FANCL: variants seen among roughly 807,000 people sequenced by gnomAD.
The protein encoded by FANCL is FA complementation group L.
FANCL carries 69 observed loss-of-function variants against 59.4 expected under a neutral mutation model. That is an observed-to-expected ratio of 1.16 (90% confidence interval 0.96 to 1.42). The LOEUF is 1.42. Ranked by LOEUF, FANCL falls within the 40% of genes most tolerant of loss-of-function variation. FANCL has a pLI of 0.00. For synonymous variants in FANCL, 180 were observed against 147.1 expected, an observed-to-expected ratio of 1.22 and a Z score of -1.62; for missense variants, 519 against 447.2, an observed-to-expected ratio of 1.16 and a Z score of -1.45.
intron 1 of FANCL, among the ~76,000 whole-genome samples, chr2:58,239,523 T>C (rs1573852004): frequency 1.3e-5 from 2 of 152,172 alleles, no homozygotes; most frequent in South Asian, 2.1e-4. Flanking sequence ...TAATGTGGGA[T>C]CTTAACAACA....
chr2:58,164,309 G>A (rs544659546), intron 8 of FANCL, among the ~76,000 whole-genome samples: 13 of 152,052 alleles, frequency 8.5e-5, no homozygotes, highest in Non-Finnish European at 1.9e-4. Flanking sequence ...CTTTCACTAA[G>A]GCTGGCATCA....
chr2:58,219,532 T>C (rs12474593), intron 5 of FANCL, among the ~76,000 whole-genome samples: 14,167 of 151,596 alleles, frequency 0.093, 701 homozygotes, highest in African/African-American at 0.11. Flanking sequence ...AAAAAAACAG[T>C]AACTTTACGG....
chr2:58,179,114 T>G (rs946750282), intron 7 of FANCL, among the ~76,000 whole-genome samples: 1 of 152,220 alleles, frequency 6.6e-6, no homozygotes. Context: ...CATTCCATAT[T>G]CATGGATAGG....
At chr2:58,220,330 C>G (rs1368457976) in intron 5 of FANCL, among the ~76,000 whole-genome samples, 1 of 152,162 alleles carries the variant, frequency 6.6e-6, no homozygotes, top group Non-Finnish European at 1.5e-5. Context: ...TAACCTATCT[C>G]TGCACATAGG....
intron 7 of FANCL, among the ~76,000 whole-genome samples, chr2:58,197,199 A>C (rs1354167890): frequency 1.3e-5 from 2 of 151,016 alleles, no homozygotes; most frequent in Non-Finnish European, 3.0e-5. Flanking sequence ...TAATTTTTGG[A>C]TAAATACAAT....
At position 58,217,166 on chromosome 2, in the gene FANCL, TTATATATATA is replaced by T. The variant is rs1158149205; in HGVS notation, c.374+4766_374+4775del. The stretch of plus-strand genomic sequence containing the variant: ...AGATTTATATATATATTTATATATT[TTATATATATA>T]TATATATATATATATATATATATAT... On this transcript the variant is annotated intron_variant, in intron 5 of 13. Coordinates refer to ENST00000233741, the MANE Select transcript of FANCL (RefSeq NM_018062.4). 1.5e-3 allele frequency among the ~76,000 whole-genome samples: 72 copies of T among 47,310 alleles called. 1 individual carries two copies. Among genetic ancestry groups the T allele is most frequent in the East Asian group, 0.013 (17 of 1,276 alleles). The allele number at this position is 47,310 out of a possible 152,430, so 31.0% of individuals were successfully genotyped here.
intron 5 of FANCL, 128 bp downstream of exon 5, chr2:58,221,813 AG>A: frequency 3.0e-6 from 2 of 657,234 alleles, no homozygotes; most frequent in Non-Finnish European, 5.3e-6. Context: ...AGCAACAATA[AG>A]GATCAAATAC....
chr2:58,159,899 A>G, intron 13 of FANCL, 99 bp from the exon 14 acceptor site: 1 of 1,558,316 alleles, frequency 6.4e-7, no homozygotes, highest in Non-Finnish European at 8.7e-7. Flanking sequence ...GTCATAGTAC[A>G]GTTTGGAAAA....
chr2:58,229,261 A>C (rs1693340128), intron 3 of FANCL, among the ~76,000 whole-genome samples: 1 of 152,144 alleles, frequency 6.6e-6, no homozygotes, highest in African/African-American at 2.4e-5. Flanking sequence ...TTATGTCATT[A>C]TTTTGCTTCA....
intron 7 of FANCL, among the ~76,000 whole-genome samples, chr2:58,197,390 C>A (rs1047080171): frequency 6.6e-6 from 1 of 151,956 alleles, no homozygotes; most frequent in Non-Finnish European, 1.5e-5. Flanking sequence ...CCTCCATTTA[C>A]GGAATATTTG....
chr2:58,197,589 A>G (rs768855398), intron 7 of FANCL, among the ~76,000 whole-genome samples: 1 of 152,172 alleles, frequency 6.6e-6, no homozygotes, highest in Non-Finnish European at 1.5e-5. Flanking sequence ...CCTTATATCT[A>G]TGTTATAGTT....
intron 9 of FANCL, 165 bp downstream of exon 9, chr2:58,163,269 C>A: frequency 1.4e-6 from 1 of 726,906 alleles, no homozygotes. Context: ...TGCGGTGAAC[C>A]GAGATCGCGC....
At chr2:58,190,192 A>G (rs1688790647) in intron 7 of FANCL, among the ~76,000 whole-genome samples, 1 of 152,020 alleles carries the variant, frequency 6.6e-6, no homozygotes, top group Admixed American at 6.6e-5. Context: ...CGTAAAGAAC[A>G]TATCACCTCT....
intron 6 of FANCL, among the ~76,000 whole-genome samples, chr2:58,201,077 T>C (rs1374865119): frequency 6.6e-6 from 1 of 150,664 alleles, no homozygotes; most frequent in Non-Finnish European, 1.5e-5. Context: ...ATACTAGATA[T>C]TCATTTTCAG....
At chr2:58,220,344 A>G (rs1008247085) in intron 5 of FANCL, among the ~76,000 whole-genome samples, 1 of 152,250 alleles carries the variant, frequency 6.6e-6, no homozygotes, top group Non-Finnish European at 1.5e-5. Context: ...ACATAGGTGC[A>G]CCAAAAGAGG....
chr2:58,160,712 T>A (rs1685023751), intron 12 of FANCL, among the ~76,000 whole-genome samples: 1 of 152,016 alleles, frequency 6.6e-6, no homozygotes, highest in African/African-American at 2.4e-5. Flanking sequence ...AAATCACATG[T>A]TCCCTTAGAG....
At position 58,226,730 on chromosome 2, in the gene FANCL, A is replaced by T; in HGVS notation, c.271T>A (p.Leu91Met). ...TCAGAAAAAAAAAAAATTCTTACCA[A>T]AAGCATCTTCAACTCCATCATAAAG... ...MSFMMELKML[L>M]EVALKNRQEL... The change falls in exon 4 of 14, where the codon TTG becomes ATG. Residue 91 changes from leucine (L) to methionine (M), a missense_variant and splice_region_variant. Physicochemically the swap from Leu to Met is conservative, Grantham distance 15. Coordinates refer to ENST00000233741, the MANE Select transcript of FANCL (RefSeq NM_018062.4). The T allele has an allele frequency of 6.2e-7, 1 of 1,613,274 alleles. No homozygotes were observed. The highest frequency in any genetic ancestry group is 8.5e-7 in the Non-Finnish European group (1 of 1,179,502).
chr2:58,172,644 C>A (rs1027233267), intron 7 of FANCL, among the ~76,000 whole-genome samples: 2 of 152,126 alleles, frequency 1.3e-5, no homozygotes, highest in Non-Finnish European at 2.9e-5. Flanking sequence ...TGTACATCAC[C>A]ATCATCAAAG....
At chr2:58,175,011 T>G (rs1213387453) in intron 7 of FANCL, among the ~76,000 whole-genome samples, 2 of 151,960 alleles carry the variant, frequency 1.3e-5, no homozygotes, top group Non-Finnish European at 2.9e-5. Flanking sequence ...AACACCTCTA[T>G]GCAAATAAAC....
Sources: gnomAD v4.1 joint callset for allele counts (sites outside exome capture counted in the v4.1 genomes callset) on GRCh38, gnomAD v4.1.1 for gene constraint, MANE v1.5 for transcripts, NCBI Gene and HGNC (gene_info 2026-07-23, HGNC 2026-07-21) for gene names.